PDXDC1: variants seen among roughly 807,000 people sequenced by gnomAD.
PDXDC1 encodes the protein pyridoxal-dependent decarboxylase domain-containing protein 1.
In PDXDC1, 42 loss-of-function variants were observed where a neutral mutation model predicts 100.1. The observed-to-expected ratio is 0.42, with a 90% confidence interval of 0.33 to 0.54. The LOEUF is 0.54. PDXDC1 is among the 20% of genes least tolerant of loss of function. PDXDC1 has a pLI of 0.10. For missense variants in PDXDC1, 636 were observed against 979.2 expected, an observed-to-expected ratio of 0.65 and a Z score of 4.68; for synonymous variants, 260 against 371.7, an observed-to-expected ratio of 0.70 and a Z score of 3.46.
rs764817090 is a variant in PDXDC1 at position 15,032,854 on chromosome 16, G to T, written c.1572-7G>T. ...AGCTGAAATGCTGTGGTTTGATGTT[G>T]TTTTAGGTATGAACATGCTAATGAT... On this transcript the variant is annotated splice_polypyrimidine_tract_variant and splice_region_variant and intron_variant, in intron 17 of 22. Transcript: ENST00000396410. 19 of 1,467,352 alleles carry T rather than the reference G, an allele frequency of 1.3e-5. No homozygotes were observed. In the South Asian group the frequency reaches 2.0e-4, roughly 16 times the overall value. The allele number at this position is 1,467,352 out of a possible 1,614,324, so 90.9% of individuals were successfully genotyped here.
At chr16:15,012,957 G>A (rs2041449429) in intron 8 of PDXDC1, among the ~76,000 whole-genome samples, 1 of 152,230 alleles carries the variant, frequency 6.6e-6, no homozygotes, top group African/African-American at 2.4e-5. Flanking sequence ...AGATTACGAG[G>A]TCAGGAGATC....
chr16:15,148,370 A>ATTTTTTTTTTTTTTTTTTTTTTT, the PDXDC1 span, among the ~76,000 whole-genome samples: 5 of 34,118 alleles, frequency 1.5e-4, 1 homozygote, highest in East Asian at 1.0e-3. Context: ...AGATCCTGTG[A>ATTTTTTTTTTTTTTTTTTTTTTT]TTTTTTTTTT....
intron 16 of PDXDC1, among the ~76,000 whole-genome samples, chr16:15,122,464 C>A (rs1181421427): frequency 2.1e-4 from 29 of 140,588 alleles, no homozygotes; most frequent in Non-Finnish European, 4.1e-4. Flanking sequence ...ATCTGCCCAC[C>A]TCGGCCCCCT....
At position 15,091,267 on chromosome 16, in the gene PDXDC1, T is replaced by G. The variant is rs758223654; in HGVS notation, c.1400-47612T>G. 3 of 1,604,858 alleles carry G rather than the reference T, an allele frequency of 1.9e-6. No individual in the cohort carries two copies. In the East Asian group the frequency reaches 6.7e-5, roughly 36 times the overall value. ...GGACCCAAAGAGCAAACTATGTCTG[T>G]ATACAGTGGCAATAATTTTGCTAAT... On this transcript the variant is annotated intron_variant, in intron 16 of 16. Coordinates refer to the PDXDC1 transcript ENST00000535621.
At chr16:15,056,831 T>A (rs967056892) in intron 16 of PDXDC1, among the ~76,000 whole-genome samples, 1 of 152,098 alleles carries the variant, frequency 6.6e-6, no homozygotes, top group Admixed American at 6.5e-5. Context: ...GATCCTGAAC[T>A]GTGCTAGCCC....
Position 15,137,656 on chromosome 16 carries a change from C to G in PDXDC1, c.1400-1223C>G, listed in dbSNP as rs1257342968. 1.8e-5 allele frequency: 23 copies of G among 1,294,008 alleles called. No individual in the cohort carries two copies. The South Asian group carries it at 2.0e-4, about 11-fold the overall frequency. 80.2% of individuals were successfully genotyped at this position (1,294,008 alleles called of 1,614,324 possible). The stretch of plus-strand genomic sequence containing the variant: ...TGCTGTTCCCTTGGCCCGGAGCCCC[C>G]CCCCAGAGAGGCCTTCCTGAGCCCT... On this transcript the variant is annotated intron_variant, in intron 16 of 16. Coordinates refer to the PDXDC1 transcript ENST00000535621.
intron 16 of PDXDC1, among the ~76,000 whole-genome samples, chr16:15,078,972 C>T (rs200041596): frequency 5.9e-5 from 9 of 151,486 alleles, no homozygotes; most frequent in African/African-American, 1.5e-4. Flanking sequence ...CCACCATACC[C>T]GGCCAATTTT....
intron 1 of PDXDC1, among the ~76,000 whole-genome samples, chr16:14,980,235 G>C (rs573373634): frequency 1.3e-5 from 2 of 152,404 alleles, no homozygotes; most frequent in East Asian, 1.9e-4. Flanking sequence ...ATGAGTTATA[G>C]GTAGAAGTTG....
At chr16:15,056,101 T>C (rs943826209) in intron 16 of PDXDC1, 4 of 229,780 alleles carry the variant, frequency 1.7e-5, no homozygotes, top group Non-Finnish European at 3.0e-5. Context: ...CCGCGGGCGC[T>C]GCCGGGAAGT....
downstream of PDXDC1, chr16:15,040,005 C>T (rs2043738166): frequency 6.2e-7 from 1 of 1,611,734 alleles, no homozygotes; most frequent in Admixed American, 1.7e-5. Context: ...CACGAAGCTG[C>T]TCCTCCGGAC....
At chr16:15,031,112 ATTT>A (rs771115923) in intron 16 of PDXDC1, among the ~76,000 whole-genome samples, 2 of 73,954 alleles carry the variant, frequency 2.7e-5, no homozygotes, top group Non-Finnish European at 2.5e-5. Context: ...CACCACATCT[ATTT>A]TTTTTTTTTT....
intron 1 of PDXDC1, among the ~76,000 whole-genome samples, chr16:14,991,265 A>AT (rs759288384): frequency 4.6e-3 from 629 of 137,576 alleles, no homozygotes; most frequent in Non-Finnish European, 5.0e-3. Context: ...ATGTATATAG[A>AT]TATGTGTGTG....
chr16:15,078,075 T>C (rs1312585958), intron 16 of PDXDC1, among the ~76,000 whole-genome samples: 1 of 152,176 alleles, frequency 6.6e-6, no homozygotes, highest in African/African-American at 2.4e-5. Context: ...ACTCAAACCA[T>C]GCCATTTTTT....
rs2043621349 is a variant in PDXDC1, at chr16:15,038,194, G to A, written c.*1919G>A. 1 of 1,612,736 alleles carries A rather than the reference G, an allele frequency of 6.2e-7. No homozygotes were observed. Among genetic ancestry groups the A allele is most frequent in the Non-Finnish European group, 8.5e-7 (1 of 1,179,508 alleles). On this transcript the variant is annotated 3_prime_UTR_variant, in exon 23 of 23. Transcript: ENST00000396410. ...AACAAAGTGGGGTGGCTCAGCCAGA[G>A]GCGAAGTGGAAAGATTCTGAAAACA...
intron 16 of PDXDC1, chr16:15,127,755 A>G: frequency 6.5e-7 from 1 of 1,548,278 alleles, no homozygotes; most frequent in South Asian, 1.2e-5. Context: ...AGATGAGGAG[A>G]ACGCAGCAGG....
At chr16:15,017,459 C>G in intron 11 of PDXDC1, 37 bp downstream of exon 11, 1 of 1,572,550 alleles carries the variant, frequency 6.4e-7, no homozygotes, top group African/African-American at 1.4e-5. Flanking sequence ...GTGGGTGTGG[C>G]TAATACACAT....
chr16:15,030,267 G>A lies in PDXDC1; in HGVS notation c.1399+211G>A, dbSNP rs537500693. 3.3e-5 allele frequency among the ~76,000 whole-genome samples: 5 copies of A among 152,338 alleles called. No homozygotes were observed. In the South Asian group the frequency reaches 8.3e-4, roughly 25 times the overall value. On this transcript the variant is annotated intron_variant, in intron 16 of 22. Transcript: ENST00000396410. ...AATTCAGAAGTCACCTGAATTGGCC[G>A]GGCATGGTGGCTCACACCTGTAATC... is the stretch of plus-strand genomic sequence containing the variant.
chr16:15,149,860 C>G, the PDXDC1 span, among the ~76,000 whole-genome samples: 2 of 152,058 alleles, frequency 1.3e-5, no homozygotes, highest in African/African-American at 4.8e-5. Context: ...GCCAGGACAA[C>G]CTCTGGGACA....
At chr16:15,141,942 G>T (rs370397458), downstream of PDXDC1, among the ~76,000 whole-genome samples, 2 of 152,146 alleles carry the variant, frequency 1.3e-5, no homozygotes, top group East Asian at 1.9e-4. Flanking sequence ...AATGCTTTAG[G>T]GAGAATGAGG....
Sources: allele counts gnomAD v4.1 joint callset (sites outside exome capture counted in the v4.1 genomes callset), GRCh38; gene constraint gnomAD v4.1.1; transcripts MANE v1.5; gene names NCBI Gene and HGNC (gene_info 2026-07-23, HGNC 2026-07-21).